THRB: variants seen among roughly 807,000 people sequenced by gnomAD.
The protein encoded by THRB is thyroid hormone receptor beta, also known as nuclear receptor subfamily 1 group A member 2.
Under a neutral mutation model 47.8 loss-of-function variants are expected in THRB, and 12 were observed. The observed-to-expected ratio is 0.25, with a 90% confidence interval of 0.16 to 0.41. The LOEUF (loss-of-function observed/expected upper bound fraction) is 0.41, where lower values mean the gene tolerates loss of function less well. Among genes scored for constraint, THRB ranks in the 10% least tolerant of loss-of-function variants. The pLI is 1.00. For missense variants in THRB, 348 were observed against 589.2 expected, an observed-to-expected ratio of 0.59 and a Z score of 4.24; for synonymous variants, 218 against 212.2, an observed-to-expected ratio of 1.03 and a Z score of -0.24.
intron 1 of THRB, among the ~76,000 whole-genome samples, chr3:24,365,852 T>C (rs2064419256): frequency 6.6e-6 from 1 of 152,190 alleles, no homozygotes; most frequent in Admixed American, 6.5e-5. Flanking sequence ...TACTAATTCA[T>C]TTAGAGTTTC....
At chr3:24,453,145 T>C (rs1439894400) in intron 1 of THRB, among the ~76,000 whole-genome samples, 1 of 152,168 alleles carries the variant, frequency 6.6e-6, no homozygotes, top group Non-Finnish European at 1.5e-5. Context: ...CCTCCTCTTC[T>C]CCATCCAAAC....
At chr3:24,446,968 C>T (rs893778691) in intron 1 of THRB, among the ~76,000 whole-genome samples, 1 of 152,132 alleles carries the variant, frequency 6.6e-6, no homozygotes, top group Non-Finnish European at 1.5e-5. Flanking sequence ...TAGTTGTTGT[C>T]CTTGCAAAGT....
chr3:24,266,752 T>A (rs747629354), intron 3 of THRB, among the ~76,000 whole-genome samples: 2 of 152,100 alleles, frequency 1.3e-5, no homozygotes, highest in Non-Finnish European at 2.9e-5. Context: ...GATTTTGAGA[T>A]GACATGGAGA....
chr3:24,353,163 CA>C (rs952275434), intron 1 of THRB, among the ~76,000 whole-genome samples: 10 of 145,938 alleles, frequency 6.9e-5, no homozygotes, highest in Admixed American at 2.7e-4. Context: ...AACCAACTTA[CA>C]AAAAAAAAAC....
At chr3:24,294,933 C>G (rs2056318088) in intron 3 of THRB, among the ~76,000 whole-genome samples, 1 of 152,194 alleles carries the variant, frequency 6.6e-6, no homozygotes, top group African/African-American at 2.4e-5. Flanking sequence ...GGTGCTAAAA[C>G]AAACAGGATA....
intron 3 of THRB, among the ~76,000 whole-genome samples, chr3:24,233,963 G>A (rs2048607864): frequency 6.6e-6 from 1 of 152,180 alleles, no homozygotes; most frequent in South Asian, 2.1e-4. Flanking sequence ...ACCTTGCACT[G>A]CTTTTTGCTC....
chr3:24,449,118 C>CA (rs2072392140), intron 1 of THRB, among the ~76,000 whole-genome samples: 1 of 152,036 alleles, frequency 6.6e-6, no homozygotes. Context: ...CAATGAAAGA[C>CA]AAAGTATGAA....
intron 5 of THRB, among the ~76,000 whole-genome samples, chr3:24,178,447 C>T (rs1273395388): frequency 1.3e-5 from 2 of 152,086 alleles, no homozygotes; most frequent in African/African-American, 4.8e-5. Context: ...GCTATTAGCT[C>T]ACCACTGCAC....
chr3:24,161,223 T>C (rs984766546), intron 5 of THRB, among the ~76,000 whole-genome samples: 1 of 152,262 alleles, frequency 6.6e-6, no homozygotes, highest in African/African-American at 2.4e-5. Flanking sequence ...GAACAGCATG[T>C]GTGTGGCAGT....
intron 1 of THRB, among the ~76,000 whole-genome samples, chr3:24,353,144 A>T (rs2063461814): frequency 6.6e-6 from 1 of 152,118 alleles, no homozygotes; most frequent in Non-Finnish European, 1.5e-5. Flanking sequence ...GTATATTTGC[A>T]TAAAGAAAAA....
At chr3:24,253,229 G>A (rs2050846410) in intron 3 of THRB, among the ~76,000 whole-genome samples, 1 of 152,104 alleles carries the variant, frequency 6.6e-6, no homozygotes, top group African/African-American at 2.4e-5. Context: ...ATAGATTGTT[G>A]TATATCTATA....
intron 3 of THRB, among the ~76,000 whole-genome samples, chr3:24,256,308 CAGAT>C (rs1454412227): frequency 1.3e-5 from 2 of 152,084 alleles, no homozygotes; most frequent in East Asian, 3.9e-4. Flanking sequence ...TGAAGCCAGA[CAGAT>C]GGAGTTGAAG....
At position 24,161,396 on chromosome 3, in the gene THRB, T is replaced by TA. The variant is rs557662173; in HGVS notation, c.284-8907dup. 5.6e-3 allele frequency among the ~76,000 whole-genome samples: 852 copies of TA among 151,886 alleles called. 10 individuals carry two copies. The highest frequency in any genetic ancestry group is 0.019 in the African/African-American group (795 of 41,406). On this transcript the variant is annotated intron_variant, in intron 5 of 10. Transcript: ENST00000646209. Reference sequence around the variant, plus strand: ...GGACTGATCACATCTGTGTTTAAATTAAAAAATTCAAGTATAGGGGAAGAA... The same window carrying TA: ...GGACTGATCACATCTGTGTTTAAATTAAAAAAATTCAAGTATAGGGGAAGAA...
chr3:24,279,672 G>T (rs2054332630), intron 3 of THRB, among the ~76,000 whole-genome samples: 1 of 151,890 alleles, frequency 6.6e-6, no homozygotes, highest in Admixed American at 6.6e-5. Context: ...TGGGATTACA[G>T]GCGTGAGCCA....
chr3:24,178,415 C>T (rs1450663404), intron 5 of THRB, among the ~76,000 whole-genome samples: 1 of 152,080 alleles, frequency 6.6e-6, no homozygotes, highest in Non-Finnish European at 1.5e-5. Context: ...CACTTTAGGC[C>T]AGGAGTTCAG....
intron 4 of THRB, among the ~76,000 whole-genome samples, chr3:24,218,343 T>TA (rs1491207202): frequency 1.3e-5 from 1 of 78,770 alleles, no homozygotes; most frequent in Non-Finnish European, 2.5e-5. Context: ...TCTCTCTCTC[T>TA]TTTTTTTTTT....
intron 1 of THRB, among the ~76,000 whole-genome samples, chr3:24,451,460 T>C (rs891215371): frequency 2.6e-5 from 4 of 151,998 alleles, no homozygotes; most frequent in African/African-American, 4.8e-5. Context: ...TGGTCTTACA[T>C]TCCTGACCTC....
In THRB at chr3:24,163,284, G is replaced by A. The variant is rs1004591034; in HGVS notation, c.284-10794C>T. Among the ~76,000 whole-genome samples, 12 of 152,202 alleles carry A rather than the reference G, an allele frequency of 7.9e-5. No homozygotes were observed. In the East Asian group the frequency reaches 1.2e-3, roughly 15 times the overall value. On this transcript the variant is annotated intron_variant, in intron 5 of 10. Coordinates refer to ENST00000646209, the MANE Select transcript of THRB (RefSeq NM_001354712.2). Reference sequence around the variant, plus strand: ...TGATTTAGTGAGTTTGGCAGGTGGCGGTGGCCTTTCAATGACATATGGCTT... The same window carrying A: ...TGATTTAGTGAGTTTGGCAGGTGGCAGTGGCCTTTCAATGACATATGGCTT...
intron 3 of THRB, among the ~76,000 whole-genome samples, chr3:24,290,774 T>C (rs951906858): frequency 5.3e-5 from 8 of 152,182 alleles, no homozygotes; most frequent in Non-Finnish European, 1.0e-4. Context: ...GAAACCTTTT[T>C]CTTGGAAACC....
Sources: gnomAD v4.1 joint callset for allele counts (sites outside exome capture counted in the v4.1 genomes callset) on GRCh38, gnomAD v4.1.1 for gene constraint, MANE v1.5 for transcripts, NCBI Gene and HGNC (gene_info 2026-07-23, HGNC 2026-07-21) for gene names.